Variants in SPATA6 observed in about 807,000 individuals in gnomAD.
SPATA6 encodes the protein spermatogenesis associated 6.
Under a neutral mutation model 65.3 loss-of-function variants are expected in SPATA6, and 56 were observed. The ratio of observed to expected loss-of-function variants is 0.86; its 90% CI spans 0.69 to 1.07. The LOEUF (loss-of-function observed/expected upper bound fraction) is 1.07. Ranked by LOEUF, SPATA6 falls within the 50% of genes least tolerant of loss-of-function variation. The probability of loss-of-function intolerance (pLI) is 0.00; values close to 1 mark genes in which losing one functional copy is unlikely to be tolerated. For missense variants in SPATA6, 590 were observed against 594.8 expected, an observed-to-expected ratio of 0.99 and a Z score of 0.08; for synonymous variants, 199 against 213.2, an observed-to-expected ratio of 0.93 and a Z score of 0.58.
Position 48,358,366 on chromosome 1 carries a change from T to A in SPATA6, c.1094+1220A>T, listed in dbSNP as rs893743211. Among the ~76,000 whole-genome samples the A allele has an allele frequency of 9.2e-5, 14 of 151,568 alleles. No individual in the cohort carries two copies. The East Asian group carries it at 2.5e-3, about 27-fold the overall frequency. On this transcript the variant is annotated intron_variant, in intron 10 of 12. Transcript: ENST00000371847. The stretch of plus-strand genomic sequence containing the variant: ...TAAAAGTAAATAAAAACAAATTTAT[T>A]TATAAAAGTAAATAATATTTATTTA...
In SPATA6 at chr1:48,436,754, G is replaced by A. The variant is rs145528771; in HGVS notation, c.238+14798C>T. ...GGGATTACAGCATGTGAATTAGCCAGTGGGCAGGTGCCTTTCCAGGACATG... is the reference window on the plus strand; with the variant it reads ...GGGATTACAGCATGTGAATTAGCCAATGGGCAGGTGCCTTTCCAGGACATG... On this transcript the variant is annotated intron_variant, in intron 3 of 12. Transcript: ENST00000371847. 3,757 of 1,614,218 alleles carry A rather than the reference G, an allele frequency of 2.3e-3. 92 individuals are homozygous for A. In the African/African-American group the frequency reaches 0.045, roughly 19 times the overall value.
At chr1:48,277,862 T>C in the SPATA6 span, among the ~76,000 whole-genome samples, 2 of 152,310 alleles carry the variant, frequency 1.3e-5, no homozygotes, top group East Asian at 1.9e-4. Context: ...GATCTGAGAA[T>C]GGGCAGACTG....
the SPATA6 span, among the ~76,000 whole-genome samples, chr1:48,271,673 A>G: frequency 1.3e-5 from 2 of 152,066 alleles, no homozygotes; most frequent in Non-Finnish European, 2.9e-5. Context: ...CTAGGGATGC[A>G]GATTTAACAA....
intron 11 of SPATA6, among the ~76,000 whole-genome samples, chr1:48,328,381 A>AT (rs1191712490): frequency 6.6e-6 from 1 of 151,994 alleles, no homozygotes; most frequent in Non-Finnish European, 1.5e-5. Context: ...TGATGAATGG[A>AT]TAAAAAAAAG....
the SPATA6 span, among the ~76,000 whole-genome samples, chr1:48,279,686 T>C: frequency 6.6e-6 from 1 of 152,082 alleles, no homozygotes; most frequent in Non-Finnish European, 1.5e-5. Context: ...ATAAAGCAAG[T>C]CCTGAGTGAC....
At chr1:48,441,775 T>C in intron 3 of SPATA6, among the ~76,000 whole-genome samples, 1 of 152,172 alleles carries the variant, frequency 6.6e-6, no homozygotes, top group East Asian at 1.9e-4. Flanking sequence ...TTATGGGTAG[T>C]TGCAGCGGTG....
chr1:48,289,649 T>C, the SPATA6 span, among the ~76,000 whole-genome samples: 14 of 152,156 alleles, frequency 9.2e-5, no homozygotes, highest in African/African-American at 3.4e-4. Context: ...GTAGAGAAGA[T>C]CTTAAATGAC....
chr1:48,428,260 G>C (rs1654025803), intron 3 of SPATA6, among the ~76,000 whole-genome samples: 1 of 152,108 alleles, frequency 6.6e-6, no homozygotes, highest in South Asian at 2.1e-4. Flanking sequence ...TTCGAGACCA[G>C]CCTGACCAAC....
At chr1:48,312,988 G>C (rs549364960) in intron 11 of SPATA6, among the ~76,000 whole-genome samples, 23 of 152,178 alleles carry the variant, frequency 1.5e-4, no homozygotes, top group Admixed American at 4.6e-4. Context: ...GAGAAGTTTA[G>C]AGAAAAAAAT....
intron 11 of SPATA6, among the ~76,000 whole-genome samples, chr1:48,352,765 T>C (rs1646545694): frequency 6.6e-6 from 1 of 151,904 alleles, no homozygotes; most frequent in Admixed American, 6.6e-5. Context: ...AGATAGATCA[T>C]AGGAAAACTA....
chr1:48,262,796 A>G, the SPATA6 span: 1 of 152,200 alleles, frequency 6.6e-6, no homozygotes, highest in African/African-American at 2.4e-5. Flanking sequence ...TTCCATTAAT[A>G]GTTTTTACGT....
At chr1:48,281,337 A>G in the SPATA6 span, among the ~76,000 whole-genome samples, 1 of 151,488 alleles carries the variant, frequency 6.6e-6, no homozygotes, top group Non-Finnish European at 1.5e-5. Context: ...TGGCCAGGGC[A>G]ATTAGGCAGG....
At chr1:48,369,326 C>G (rs1054033685) in intron 9 of SPATA6, among the ~76,000 whole-genome samples, 13 of 152,328 alleles carry the variant, frequency 8.5e-5, no homozygotes, top group South Asian at 2.1e-4. Flanking sequence ...AGCTGTCAGA[C>G]AGGGACATTT....
intron 11 of SPATA6, among the ~76,000 whole-genome samples, chr1:48,312,758 G>A (rs1333887248): frequency 6.6e-6 from 1 of 152,146 alleles, no homozygotes; most frequent in Non-Finnish European, 1.5e-5. Flanking sequence ...CAAGCTAAAG[G>A]AGGAAGTTAG....
At chr1:48,392,155 T>C (rs1025939306) in intron 8 of SPATA6, among the ~76,000 whole-genome samples, 36 of 152,302 alleles carry the variant, frequency 2.4e-4, no homozygotes, top group African/African-American at 8.4e-4. Context: ...ATTTCTATTT[T>C]ACTTTGTGAC....
intron 3 of SPATA6, among the ~76,000 whole-genome samples, chr1:48,438,121 T>C (rs1363057096): frequency 6.6e-6 from 1 of 152,050 alleles, no homozygotes; most frequent in African/African-American, 2.4e-5. Context: ...CTTTTGCTCT[T>C]CACAATAAAT....
intron 9 of SPATA6, among the ~76,000 whole-genome samples, chr1:48,369,934 G>A (rs532301557): frequency 6.6e-6 from 1 of 152,086 alleles, no homozygotes; most frequent in Non-Finnish European, 1.5e-5. Flanking sequence ...ACCCTCAAAA[G>A]GAAACTTCAT....
At chr1:48,404,522 T>A (rs967467631) in intron 5 of SPATA6, among the ~76,000 whole-genome samples, 1 of 152,072 alleles carries the variant, frequency 6.6e-6, no homozygotes, top group Non-Finnish European at 1.5e-5. Flanking sequence ...TTTCATTATT[T>A]TGTAGATACA....
chr1:48,335,459 A>G (rs1387785536), intron 11 of SPATA6, among the ~76,000 whole-genome samples: 3 of 152,164 alleles, frequency 2.0e-5, no homozygotes, highest in Admixed American at 6.6e-5. Flanking sequence ...CCAATAGAAC[A>G]GAAGAGAGAG....
Sources: allele counts gnomAD v4.1 joint callset (sites outside exome capture counted in the v4.1 genomes callset), GRCh38; gene constraint gnomAD v4.1.1; transcripts MANE v1.5; gene names NCBI Gene and HGNC (gene_info 2026-07-23, HGNC 2026-07-21).